The following TGFBR1 variants were observed in gnomAD, a reference collection of about 807,000 sequenced individuals.
TGFBR1 encodes the protein TGF-beta receptor type-1.
TGFBR1 carries 20 observed loss-of-function variants against 55.1 expected under a neutral mutation model. The observed-to-expected ratio is 0.36, with a 90% CI of 0.26 to 0.53. TGFBR1 has a LOEUF of 0.53. Ranked by LOEUF, TGFBR1 falls within the 20% of genes least tolerant of loss-of-function variation. The pLI, the probability that TGFBR1 is intolerant of heterozygous loss-of-function variation, is 0.91. For missense variants in TGFBR1, 385 were observed against 617.6 expected (o/e 0.62, Z 3.99); for synonymous variants, 220 against 214.8 (o/e 1.02, Z -0.21).
At chr9:99,143,659 T>C (rs762126535) in intron 5 of TGFBR1, among the ~76,000 whole-genome samples, 5 of 152,238 alleles carry the variant, frequency 3.3e-5, no homozygotes, top group Non-Finnish European at 5.9e-5. Context: ...TATTGAGTTA[T>C]AATTCACATC....
intron 2 of TGFBR1, among the ~76,000 whole-genome samples, chr9:99,129,438 CCTAT>C (rs1479801287): frequency 1.3e-5 from 2 of 152,202 alleles, no homozygotes; most frequent in African/African-American, 4.8e-5. Context: ...GTATAATGCT[CCTAT>C]CTTTTAAAGC....
chr9:99,147,396 A>G (rs897712770), intron 7 of TGFBR1, among the ~76,000 whole-genome samples: 2 of 152,164 alleles, frequency 1.3e-5, no homozygotes, highest in African/African-American at 4.8e-5. Context: ...TGGTCATCAC[A>G]GCTCATAGTT....
At position 99,114,135 on chromosome 9, in the gene TGFBR1, AT is replaced by A. The variant is rs1189808777; in HGVS notation, c.97+8835del. Among the ~76,000 whole-genome samples the A allele has an allele frequency of 2.0e-5, 3 of 152,308 alleles. No individual in the cohort carries two copies. In the East Asian group the frequency reaches 5.8e-4, roughly 29 times the overall value. On this transcript the variant is annotated intron_variant, in intron 1 of 8. Transcript: ENST00000374994. ...ACGAGAAAAGTTAGTTTATCCATTG[AT>A]TGGCTTTTATTTTGGTCATTTTCCA...
chr9:99,139,121 C>G (rs1339450599), intron 4 of TGFBR1, among the ~76,000 whole-genome samples: 2 of 151,784 alleles, frequency 1.3e-5, no homozygotes, highest in Non-Finnish European at 2.9e-5. Flanking sequence ...TTTACTGCCT[C>G]TGTCAGAGAC....
At position 99,149,497 on chromosome 9, in the gene TGFBR1, T is replaced by A; in HGVS notation, c.*192T>A. The A allele has an allele frequency of 1.5e-6, 1 of 646,388 alleles. No individual in the cohort carries two copies. Among genetic ancestry groups the A allele is most frequent in the East Asian group, 2.9e-5 (1 of 34,500 alleles). 40.0% of individuals were successfully genotyped at this position (646,388 alleles called of 1,614,324 possible). On this transcript the variant is annotated 3_prime_UTR_variant, in exon 9 of 9. Coordinates refer to ENST00000374994, the MANE Select transcript of TGFBR1 (RefSeq NM_004612.4). ...AGGAAACAGCCATGTGGGTCCTTTCTGTGCACTATGAACGCTTCTTTCCCA... is the reference window on the plus strand; with the variant it reads ...AGGAAACAGCCATGTGGGTCCTTTCAGTGCACTATGAACGCTTCTTTCCCA...
chr9:99,113,189 C>T (rs755044647), intron 1 of TGFBR1, among the ~76,000 whole-genome samples: 1 of 152,202 alleles, frequency 6.6e-6, no homozygotes, highest in Admixed American at 6.5e-5. Flanking sequence ...GCTGCTTTCT[C>T]TGCAGTAATG....
chr9:99,123,258 T>C (rs1826945771), intron 1 of TGFBR1, among the ~76,000 whole-genome samples: 1 of 152,146 alleles, frequency 6.6e-6, no homozygotes, highest in Non-Finnish European at 1.5e-5. Flanking sequence ...TGGAGTTTTC[T>C]TTTTACTTTG....
chr9:99,138,132 C>A (rs749308450), intron 4 of TGFBR1, 43 bp downstream of exon 4: 1 of 1,532,944 alleles, frequency 6.5e-7, no homozygotes, highest in South Asian at 1.1e-5. Flanking sequence ...ATAACAAGAT[C>A]TCTTTAAGTC....
chr9:99,106,176 G>A (rs1037866025), intron 1 of TGFBR1, among the ~76,000 whole-genome samples: 1 of 152,204 alleles, frequency 6.6e-6, no homozygotes, highest in Non-Finnish European at 1.5e-5. Context: ...CACTCACGTT[G>A]TTCCTTTTCT....
At chr9:99,115,500 T>C (rs370225152) in intron 1 of TGFBR1, among the ~76,000 whole-genome samples, 246 of 152,286 alleles carry the variant, frequency 1.6e-3, no homozygotes, top group African/African-American at 5.5e-3. Flanking sequence ...AATATAGATA[T>C]TTGGGAGCAC....
At chr9:99,126,755 C>T (rs975322310) in intron 1 of TGFBR1, among the ~76,000 whole-genome samples, 3 of 152,220 alleles carry the variant, frequency 2.0e-5, no homozygotes, top group Admixed American at 1.3e-4. Flanking sequence ...ATCACCATCA[C>T]ACCTTGTCAT....
chr9:99,123,077 T>C (rs372404533), intron 1 of TGFBR1, among the ~76,000 whole-genome samples: 71 of 152,286 alleles, frequency 4.7e-4, no homozygotes, highest in African/African-American at 1.6e-3. Flanking sequence ...TGTCTCATTA[T>C]GTATATGCAA....
chr9:99,134,525 A>C (rs1323912974), intron 3 of TGFBR1, among the ~76,000 whole-genome samples: 1 of 152,038 alleles, frequency 6.6e-6, no homozygotes, highest in East Asian at 1.9e-4. Context: ...CTCATTCTGG[A>C]AGTCATCCTG....
At chr9:99,136,078 C>A (rs1024367485) in intron 3 of TGFBR1, among the ~76,000 whole-genome samples, 1 of 152,132 alleles carries the variant, frequency 6.6e-6, no homozygotes, top group East Asian at 1.9e-4. Context: ...TGATCTTGAA[C>A]TCCTGATCTC....
chr9:99,109,228 AT>A (rs900623437), intron 1 of TGFBR1, among the ~76,000 whole-genome samples: 18 of 151,790 alleles, frequency 1.2e-4, no homozygotes, highest in Middle Eastern at 3.4e-3. Context: ...GAAAAGGTCA[AT>A]TTTTTTTTAA....
intron 3 of TGFBR1, among the ~76,000 whole-genome samples, chr9:99,134,639 C>T (rs1827362742): frequency 6.6e-6 from 1 of 151,430 alleles, no homozygotes; most frequent in East Asian, 1.9e-4. Context: ...TAAACTTATA[C>T]TCCGGAAAGA....
intron 6 of TGFBR1, among the ~76,000 whole-genome samples, chr9:99,146,195 G>T (rs1827790563): frequency 6.6e-6 from 1 of 152,274 alleles, no homozygotes; most frequent in South Asian, 2.1e-4. Context: ...TGTATAGGTG[G>T]TGTACATTAG....
At chr9:99,109,158 G>A (rs1471840380) in intron 1 of TGFBR1, among the ~76,000 whole-genome samples, 1 of 152,110 alleles carries the variant, frequency 6.6e-6, no homozygotes, top group Non-Finnish European at 1.5e-5. Context: ...CAGAATTTAT[G>A]AAAAGTGAAT....
intron 4 of TGFBR1, among the ~76,000 whole-genome samples, chr9:99,139,308 T>C (rs1179474108): frequency 2.0e-5 from 3 of 152,242 alleles, no homozygotes; most frequent in African/African-American, 7.2e-5. Flanking sequence ...TATTCAAATA[T>C]TAACAGTGTT....
Sources: gnomAD v4.1 joint callset for allele counts (sites outside exome capture counted in the v4.1 genomes callset) on GRCh38, gnomAD v4.1.1 for gene constraint, MANE v1.5 for transcripts, NCBI Gene and HGNC (gene_info 2026-07-23, HGNC 2026-07-21) for gene names.